Variants in CCDC144A observed in about 807,000 individuals in gnomAD.
CCDC144A encodes the protein coiled-coil domain containing 144A.
Under a neutral mutation model 143.8 loss-of-function variants are expected in CCDC144A, and 41 were observed. That is an observed-to-expected ratio of 0.29 (90% confidence interval 0.22 to 0.37). The LOEUF (loss-of-function observed/expected upper bound fraction) is 0.37, where lower values mean the gene tolerates loss of function less well. Ranked by LOEUF, CCDC144A falls within the 10% of genes least tolerant of loss-of-function variation. The pLI, the probability that CCDC144A is intolerant of heterozygous loss-of-function variation, is 1.00. For missense variants in CCDC144A, 637 were observed against 1,488.8 expected (o/e 0.43, Z 9.41); for synonymous variants, 242 against 517.9 (o/e 0.47, Z 7.23).
intron 12 of CCDC144A, among the ~76,000 whole-genome samples, chr17:16,749,230 G>C (rs1024940595): frequency 6.6e-6 from 1 of 152,018 alleles, no homozygotes; most frequent in Admixed American, 6.6e-5. Context: ...TATTTGTTTT[G>C]CACTATAAGC....
At chr17:16,676,441 G>A in the CCDC144A span, among the ~76,000 whole-genome samples, 1 of 151,172 alleles carries the variant, frequency 6.6e-6, no homozygotes, top group Non-Finnish European at 1.5e-5. Context: ...AACCTGGGAG[G>A]CAGAGCTTGC....
At chr17:16,750,231 G>A (rs1396171779) in intron 12 of CCDC144A, among the ~76,000 whole-genome samples, 1 of 151,882 alleles carries the variant, frequency 6.6e-6, no homozygotes, top group Non-Finnish European at 1.5e-5. Context: ...AGTGGGTATT[G>A]TTCTTTCTTT....
intron 15 of CCDC144A, among the ~76,000 whole-genome samples, chr17:16,769,108 G>A (rs1382553608): frequency 6.6e-6 from 1 of 152,072 alleles, no homozygotes; most frequent in Non-Finnish European, 1.5e-5. Context: ...AGAGTTTTAA[G>A]TGGAGAAAAC....
At position 16,709,491 on chromosome 17, in the gene CCDC144A, T is replaced by C. The variant is rs368571934; in HGVS notation, c.1434T>C (p.Ser478=). ...AACCTAAATTAGAAAATCTGAGTTC[T>C]TTACCACCAGATTCTGACAGAACAT... ...SLKPKLENLS[S]LPPDSDRTSE... is the part of the protein sequence containing the mutation. Residue 478 remains serine, a synonymous_variant, in exon 5 of 17, where the codon TCT becomes TCC. Coordinates refer to ENST00000399273, the MANE Select transcript of CCDC144A (RefSeq NM_001382000.1). 9 of 1,611,452 alleles carry C rather than the reference T, an allele frequency of 5.6e-6. No homozygotes were observed. Among genetic ancestry groups the C allele is most frequent in the African/African-American group, 1.3e-5 (1 of 74,820 alleles).
intron 15 of CCDC144A, chr17:16,765,257 G>GT (rs1470238527): frequency 3.4e-5 from 4 of 116,214 alleles, no homozygotes; most frequent in African/African-American, 1.1e-4. Context: ...ACTGGGCACA[G>GT]TGGCACACAC....
chr17:16,769,975 A>C (rs1223234986), intron 15 of CCDC144A, among the ~76,000 whole-genome samples: 44 of 140,596 alleles, frequency 3.1e-4, no homozygotes, highest in East Asian at 2.5e-3. Context: ...CTACAGGTGC[A>C]CACCACCACG....
intron 2 of CCDC144A, among the ~76,000 whole-genome samples, chr17:16,696,223 C>T (rs1911392488): frequency 6.6e-6 from 1 of 151,966 alleles, no homozygotes; most frequent in African/African-American, 2.4e-5. Context: ...GCATGTTTGA[C>T]AGGCTGGTCT....
the CCDC144A span, among the ~76,000 whole-genome samples, chr17:16,675,212 T>A: frequency 6.9e-6 from 1 of 145,924 alleles, no homozygotes. Context: ...GAGGTTGCAG[T>A]AAGCCGAGAT....
the CCDC144A span, among the ~76,000 whole-genome samples, chr17:16,670,216 C>T: frequency 2.0e-5 from 3 of 150,840 alleles, no homozygotes; most frequent in African/African-American, 7.3e-5. Context: ...AAACTAGTGA[C>T]AAAATCAGTA....
chr17:16,729,867 A>ATAT (rs199888380), intron 9 of CCDC144A, among the ~76,000 whole-genome samples: 3 of 141,246 alleles, frequency 2.1e-5, no homozygotes, highest in Admixed American at 7.1e-5. Flanking sequence ...AAAAAAAAAA[A>ATAT]ATATATATAT....
chr17:16,704,450 G>T (rs1911928462), intron 2 of CCDC144A, among the ~76,000 whole-genome samples: 1 of 151,614 alleles, frequency 6.6e-6, no homozygotes, highest in Admixed American at 6.6e-5. Context: ...GCGAGACTCC[G>T]TCTCAAAAAA....
At chr17:16,768,052 T>C (rs1915681584) in intron 15 of CCDC144A, among the ~76,000 whole-genome samples, 1 of 152,272 alleles carries the variant, frequency 6.6e-6, no homozygotes, top group Non-Finnish European at 1.5e-5. Flanking sequence ...ATATACCTTC[T>C]AAGCTATATA....
chr17:16,677,059 G>T, the CCDC144A span, among the ~76,000 whole-genome samples: 2 of 152,020 alleles, frequency 1.3e-5, no homozygotes, highest in African/African-American at 4.8e-5. Flanking sequence ...GTCACATGTG[G>T]TCCGAGGTTA....
chr17:16,672,491 T>C, the CCDC144A span, among the ~76,000 whole-genome samples: 3 of 152,114 alleles, frequency 2.0e-5, no homozygotes, highest in Non-Finnish European at 2.9e-5. Context: ...ATGTCAAAAT[T>C]TCTATAATGA....
rs2621530 is a variant in CCDC144A, at chr17:16,746,496, T to C, written c.3372+10853T>C. On this transcript the variant is annotated intron_variant, in intron 12 of 16. Coordinates refer to ENST00000399273, the MANE Select transcript of CCDC144A (RefSeq NM_001382000.1). ...AGCAGAGTCTCAGGGTTGGCACTGG[T>C]CTTCTCTTCCTCCACACAGTAGGTT... 1,784 of 1,544,418 alleles carry C rather than the reference T, an allele frequency of 1.2e-3. No homozygotes were observed. In the South Asian group the frequency reaches 0.013, roughly 11 times the overall value.
chr17:16,689,051 G>A (rs966507393), upstream of CCDC144A, among the ~76,000 whole-genome samples: 3 of 152,112 alleles, frequency 2.0e-5, no homozygotes, highest in Admixed American at 2.0e-4. Flanking sequence ...GACAAAATCT[G>A]TTTTTCATAA....
At chr17:16,682,031 T>C in the CCDC144A span, among the ~76,000 whole-genome samples, 5 of 152,004 alleles carry the variant, frequency 3.3e-5, no homozygotes, top group Non-Finnish European at 7.4e-5. Flanking sequence ...TTATAATAGT[T>C]CTCATTATTT....
At chr17:16,716,457 CA>C (rs1215108851) in intron 6 of CCDC144A, among the ~76,000 whole-genome samples, 1 of 151,756 alleles carries the variant, frequency 6.6e-6, no homozygotes, top group Non-Finnish European at 1.5e-5. Context: ...AAAGTAATTA[CA>C]ATTTTCTGCT....
chr17:16,696,307 C>T (rs1371267913), intron 2 of CCDC144A, among the ~76,000 whole-genome samples: 1 of 150,224 alleles, frequency 6.7e-6, no homozygotes, highest in South Asian at 2.2e-4. Context: ...AGCCACCACT[C>T]CCTGCCCAGA....
Sources: gnomAD v4.1 joint callset for allele counts (sites outside exome capture counted in the v4.1 genomes callset) on GRCh38, gnomAD v4.1.1 for gene constraint, MANE v1.5 for transcripts, NCBI Gene and HGNC (gene_info 2026-07-23, HGNC 2026-07-21) for gene names.